TLE4: variants seen among roughly 807,000 people sequenced by gnomAD.
The protein encoded by TLE4 is transducin-like enhancer protein 4.
TLE4 carries 8 observed loss-of-function variants against 92.8 expected under a neutral mutation model. That is an observed-to-expected ratio of 0.09 (90% confidence interval 0.05 to 0.16). The LOEUF is 0.16. TLE4 is among the 10% of genes least tolerant of loss of function. The probability of loss-of-function intolerance (pLI) is 1.00; values close to 1 mark genes in which losing one functional copy is unlikely to be tolerated. For missense variants in TLE4, 675 were observed against 997.6 expected, an observed-to-expected ratio of 0.68 and a Z score of 4.36; for synonymous variants, 371 against 374.1, an observed-to-expected ratio of 0.99 and a Z score of 0.10.
At chr9:79,592,189 T>TTCTTCTTCTTCTTCTTCTTCC (rs1564202876) in intron 4 of TLE4, among the ~76,000 whole-genome samples, 1 of 100,580 alleles carries the variant, frequency 9.9e-6, no homozygotes, top group Non-Finnish European at 2.0e-5. Flanking sequence ...CTTCCTCTTC[T>TTCTTCTTCTTCTTCTTCTTCC]TCTTCTTCTT....
chr9:79,667,557 G>T (rs1382950459), intron 8 of TLE4, among the ~76,000 whole-genome samples: 1 of 152,104 alleles, frequency 6.6e-6, no homozygotes, highest in Non-Finnish European at 1.5e-5. Context: ...AGGAACAGCT[G>T]CTTTGACACT....
At chr9:79,673,390 C>A (rs543048082) in intron 8 of TLE4, among the ~76,000 whole-genome samples, 3 of 152,264 alleles carry the variant, frequency 2.0e-5, no homozygotes, top group Admixed American at 6.5e-5. Context: ...TTGAATGTAA[C>A]CCAATTCCAT....
chr9:79,618,471 A>G (rs1407761664), intron 5 of TLE4, among the ~76,000 whole-genome samples: 3 of 152,130 alleles, frequency 2.0e-5, no homozygotes, highest in Admixed American at 6.5e-5. Context: ...TGGGCTGTCT[A>G]TATTTGTGTT....
At position 79,724,850 on chromosome 9, in the gene TLE4, A is replaced by T. The variant is rs933955974; in HGVS notation, c.2215-187A>T. Among the ~76,000 whole-genome samples the T allele has an allele frequency of 1.5e-4, 8 of 53,348 alleles. No homozygotes were observed. In the Admixed American group the frequency reaches 1.7e-3, roughly 11 times the overall value. The allele number at this position is 53,348 out of a possible 152,430, so 35.0% of individuals were successfully genotyped here. ...TGACTGAGGGAGACCCTGTCTTATT[A>T]AAAAAAAAAAAAAAAAAAAAAAAAA... On this transcript the variant is annotated intron_variant, in intron 19 of 19. Coordinates refer to ENST00000376552, the MANE Select transcript of TLE4 (RefSeq NM_007005.6).
At chr9:79,656,267 A>G (rs773327842) in intron 8 of TLE4, among the ~76,000 whole-genome samples, 6 of 152,136 alleles carry the variant, frequency 3.9e-5, no homozygotes, top group East Asian at 3.8e-4. Flanking sequence ...GGGGCTTTTT[A>G]TGATTGTCTG....
chr9:79,721,023 C>T (rs1297046318), intron 16 of TLE4, among the ~76,000 whole-genome samples: 4 of 152,120 alleles, frequency 2.6e-5, no homozygotes, highest in Admixed American at 2.0e-4. Context: ...AAGGTTGTAA[C>T]CAGAGGTAGC....
chr9:79,717,292 C>T (rs112382559), intron 14 of TLE4, among the ~76,000 whole-genome samples: 60 of 152,302 alleles, frequency 3.9e-4, no homozygotes, highest in African/African-American at 1.4e-3. Context: ...GTAATGCAGT[C>T]TACCTAGTCA....
chr9:79,667,515 T>C (rs1038027050), intron 8 of TLE4, among the ~76,000 whole-genome samples: 2 of 152,190 alleles, frequency 1.3e-5, no homozygotes, highest in South Asian at 4.1e-4. Context: ...TACACATATA[T>C]ATATGTATAT....
Position 79,708,266 on chromosome 9 carries a change from G to A in TLE4, c.1069+16G>A, listed in dbSNP as rs769814491. 6.2e-7 allele frequency: 1 copy of A among 1,610,626 alleles called. No homozygotes were observed. Among genetic ancestry groups the A allele is most frequent in the South Asian group, 1.1e-5 (1 of 90,794 alleles). On this transcript the variant is annotated intron_variant, in intron 12 of 19. Transcript: ENST00000376552. ...GACCCTTTGGGTTAGTAAGAAAAAAGTTTTTTCTATATTTTTATGCTCGTT... is the reference window on the plus strand; with the variant it reads ...GACCCTTTGGGTTAGTAAGAAAAAAATTTTTTCTATATTTTTATGCTCGTT...
chr9:79,610,425 G>A (rs930827097), intron 4 of TLE4, among the ~76,000 whole-genome samples: 3 of 152,046 alleles, frequency 2.0e-5, no homozygotes, highest in African/African-American at 7.2e-5. Flanking sequence ...CTAAAGCTGG[G>A]TCCTGTGGGA....
chr9:79,596,434 G>C (rs1485733781), intron 4 of TLE4, among the ~76,000 whole-genome samples: 1 of 152,124 alleles, frequency 6.6e-6, no homozygotes, highest in Admixed American at 6.5e-5. Context: ...AAGAAAAGTA[G>C]AAAAACAGCA....
At chr9:79,584,069 T>TGCGC (rs1280729609) in intron 4 of TLE4, among the ~76,000 whole-genome samples, 8 of 152,220 alleles carry the variant, frequency 5.3e-5, no homozygotes, top group Non-Finnish European at 1.2e-4. Context: ...GGTCAGCGAA[T>TGCGC]GCGCCTGAGG....
chr9:79,691,843 A>G (rs2067150232), intron 8 of TLE4, among the ~76,000 whole-genome samples: 1 of 152,232 alleles, frequency 6.6e-6, no homozygotes, highest in Non-Finnish European at 1.5e-5. Context: ...TTTGTAACAC[A>G]TTGCCATTCG....
intron 8 of TLE4, among the ~76,000 whole-genome samples, chr9:79,697,579 A>C (rs2068606179): frequency 6.6e-6 from 1 of 152,152 alleles, no homozygotes; most frequent in Non-Finnish European, 1.5e-5. Flanking sequence ...TTGTCAGCTA[A>C]AGTAACTGTG....
chr9:79,616,485 A>ATTCT (rs2049647793), intron 5 of TLE4, among the ~76,000 whole-genome samples: 1 of 152,174 alleles, frequency 6.6e-6, no homozygotes, highest in Non-Finnish European at 1.5e-5. Flanking sequence ...GAGGAGCTAG[A>ATTCT]ACCAGCCCTC....
intron 4 of TLE4, among the ~76,000 whole-genome samples, chr9:79,612,235 T>A (rs887217209): frequency 2.0e-5 from 3 of 152,040 alleles, no homozygotes; most frequent in Non-Finnish European, 4.4e-5. Flanking sequence ...AATATAGAAA[T>A]CCAATGATTT....
At chr9:79,702,543 A>G (rs1397808570) in intron 8 of TLE4, among the ~76,000 whole-genome samples, 1 of 152,224 alleles carries the variant, frequency 6.6e-6, no homozygotes, top group Non-Finnish European at 1.5e-5. Context: ...GAGATACACA[A>G]AAGTCAAGAA....
intron 5 of TLE4, among the ~76,000 whole-genome samples, chr9:79,626,938 C>T (rs976924256): frequency 6.6e-6 from 1 of 151,940 alleles, no homozygotes; most frequent in Non-Finnish European, 1.5e-5. Context: ...TAACCGTTAT[C>T]GGGAGAAAAT....
chr9:79,654,230 A>ATTT (rs35639126), intron 8 of TLE4, among the ~76,000 whole-genome samples, 155 bp downstream of exon 8: 1 of 131,266 alleles, frequency 7.6e-6, no homozygotes, highest in African/African-American at 2.8e-5. Flanking sequence ...TGTGTGGTTG[A>ATTT]TTTTTTTTTT....
Sources: allele counts gnomAD v4.1 joint callset (sites outside exome capture counted in the v4.1 genomes callset), GRCh38; gene constraint gnomAD v4.1.1; transcripts MANE v1.5; gene names NCBI Gene and HGNC (gene_info 2026-07-23, HGNC 2026-07-21).